Variants in ITPR1 observed in about 807,000 individuals in gnomAD.
ITPR1 encodes the protein inositol 1,4,5-trisphosphate-gated calcium channel ITPR1.
Under a neutral mutation model 318.4 loss-of-function variants are expected in ITPR1, and 96 were observed. The observed-to-expected ratio is 0.30, with a 90% CI of 0.26 to 0.36. The LOEUF is 0.36. ITPR1 is among the 10% of genes least tolerant of loss of function. The pLI, the probability that ITPR1 is intolerant of heterozygous loss-of-function variation, is 1.00. For synonymous variants in ITPR1, 1,312 were observed against 1,289.9 expected, an observed-to-expected ratio of 1.02 and a Z score of -0.37; for missense variants, 2,440 against 3,460.2, an observed-to-expected ratio of 0.71 and a Z score of 7.40.
At chr3:4,659,512 C>T (rs1002259583) in intron 13 of ITPR1, among the ~76,000 whole-genome samples, 6 of 151,820 alleles carry the variant, frequency 4.0e-5, no homozygotes, top group African/African-American at 1.2e-4. Context: ...GACAAAACCC[C>T]GACTCTACAA....
At chr3:4,756,592 T>C (rs1259173718) in intron 44 of ITPR1, among the ~76,000 whole-genome samples, 2 of 152,214 alleles carry the variant, frequency 1.3e-5, no homozygotes, top group East Asian at 1.9e-4. Flanking sequence ...TTTGGTTTCC[T>C]GTTCCTGCAT....
At chr3:4,552,682 T>G (rs993190930) in intron 4 of ITPR1, among the ~76,000 whole-genome samples, 2 of 152,192 alleles carry the variant, frequency 1.3e-5, no homozygotes, top group East Asian at 3.8e-4. Flanking sequence ...GCATGATTGA[T>G]TAAATCATTG....
At chr3:4,532,437 C>T (rs924170467) in intron 4 of ITPR1, among the ~76,000 whole-genome samples, 2 of 151,984 alleles carry the variant, frequency 1.3e-5, no homozygotes, top group East Asian at 3.9e-4. Context: ...CAATCAAGGC[C>T]CACCGCAGCC....
intron 40 of ITPR1, among the ~76,000 whole-genome samples, chr3:4,718,108 T>TG (rs2041903992): frequency 6.6e-6 from 1 of 152,338 alleles, no homozygotes; most frequent in African/African-American, 2.4e-5. Context: ...GTTTGGGATC[T>TG]GGGGGCCTCT....
At chr3:4,603,096 A>G (rs548420889) in intron 4 of ITPR1, among the ~76,000 whole-genome samples, 6 of 152,280 alleles carry the variant, frequency 3.9e-5, no homozygotes, top group Non-Finnish European at 8.8e-5. Flanking sequence ...ATAATAAAAC[A>G]TCCACTTTTG....
chr3:4,837,454 T>C (rs963950003), intron 61 of ITPR1, among the ~76,000 whole-genome samples: 1 of 152,098 alleles, frequency 6.6e-6, no homozygotes, highest in Non-Finnish European at 1.5e-5. Context: ...ACAGGAATTA[T>C]GCCAGGTGTT....
At chr3:4,783,751 A>G (rs1390721858) in intron 50 of ITPR1, 65 bp from the exon 51 acceptor site, 3 of 1,227,002 alleles carry the variant, frequency 2.4e-6, no homozygotes, top group Non-Finnish European at 3.5e-6. Flanking sequence ...AACATGAGAA[A>G]GGAGTTTCTG....
At chr3:4,623,723 T>C (rs1222010621) in intron 4 of ITPR1, among the ~76,000 whole-genome samples, 1 of 152,242 alleles carries the variant, frequency 6.6e-6, no homozygotes, top group Non-Finnish European at 1.5e-5. Context: ...AACATTACAT[T>C]TGAATTGCTT....
intron 4 of ITPR1, among the ~76,000 whole-genome samples, chr3:4,572,468 A>C (rs893990079): frequency 2.6e-5 from 4 of 152,200 alleles, no homozygotes; most frequent in African/African-American, 9.6e-5. Flanking sequence ...TGCAAGCTTC[A>C]TGTGACACTG....
intron 4 of ITPR1, among the ~76,000 whole-genome samples, chr3:4,564,983 A>T (rs2087074804): frequency 6.6e-6 from 1 of 152,218 alleles, no homozygotes; most frequent in Non-Finnish European, 1.5e-5. Flanking sequence ...TCTCTCACAA[A>T]TGAAAATACG....
At chr3:4,808,076 C>T (rs949627202) in intron 55 of ITPR1, among the ~76,000 whole-genome samples, 5 of 152,216 alleles carry the variant, frequency 3.3e-5, no homozygotes, top group African/African-American at 7.2e-5. Context: ...CAATGCAGGC[C>T]AGTGCCAGTG....
At chr3:4,740,903 G>A (rs549819678) in intron 44 of ITPR1, among the ~76,000 whole-genome samples, 11 of 152,166 alleles carry the variant, frequency 7.2e-5, no homozygotes, top group Admixed American at 1.3e-4. Context: ...GGTGCCACCC[G>A]CTTCCTGTCA....
intron 16 of ITPR1, 108 bp from the exon 17 acceptor site, chr3:4,665,030 A>G (rs572291469): frequency 8.4e-7 from 1 of 1,193,520 alleles, no homozygotes; most frequent in Non-Finnish European, 1.2e-6. Flanking sequence ...GGATAGAGAA[A>G]TTTTCTAATG....
intron 33 of ITPR1, among the ~76,000 whole-genome samples, chr3:4,695,955 T>C (rs575483629): frequency 6.6e-6 from 1 of 152,204 alleles, no homozygotes; most frequent in South Asian, 2.1e-4. Context: ...ATTTCTTCAA[T>C]TTGATGTGAT....
intron 49 of ITPR1, 58 bp from the exon 50 acceptor site, chr3:4,782,561 C>T: frequency 6.5e-7 from 1 of 1,538,926 alleles, no homozygotes; most frequent in Non-Finnish European, 8.8e-7. Flanking sequence ...GCTGTCCATC[C>T]AGTCCTGTGT....
chr3:4,649,780 G>A (rs2125167338), intron 10 of ITPR1, among the ~76,000 whole-genome samples: 1 of 152,296 alleles, frequency 6.6e-6, no homozygotes, highest in South Asian at 2.1e-4. Context: ...TTCAGTGTCT[G>A]GTGAGGGCAC....
chr3:4,523,573 C>G (rs304022), intron 4 of ITPR1, among the ~76,000 whole-genome samples: 1 of 152,070 alleles, frequency 6.6e-6, no homozygotes, highest in Non-Finnish European at 1.5e-5. Context: ...CTTGGCCAAC[C>G]TCTCAATCCT....
chr3:4,549,322 G>T (rs945581382), intron 4 of ITPR1, among the ~76,000 whole-genome samples: 1 of 152,114 alleles, frequency 6.6e-6, no homozygotes, highest in Admixed American at 6.6e-5. Context: ...TAACCAGGGC[G>T]GTTTAAGCAG....
chr3:4,645,736 T>G lies in ITPR1; in HGVS notation c.855+8T>G, dbSNP rs750692979. The G allele has an allele frequency of 4.3e-5, 70 of 1,610,828 alleles. No individual in the cohort carries two copies. Among genetic ancestry groups the G allele is most frequent in the Middle Eastern group, 3.3e-4 (2 of 6,058 alleles). On this transcript the variant is annotated splice_region_variant and intron_variant, in intron 10 of 61. Transcript: ENST00000649015. ...GCCCTGTGGGAGGTGGAGGTAAGGG[T>G]AGGGTGGAGAAAGGGCTCCTGGGTT...
Sources: gnomAD v4.1 joint callset for allele counts (sites outside exome capture counted in the v4.1 genomes callset) on GRCh38, gnomAD v4.1.1 for gene constraint, MANE v1.5 for transcripts, NCBI Gene and HGNC (gene_info 2026-07-23, HGNC 2026-07-21) for gene names.